LRMDA: variants seen among roughly 807,000 people sequenced by gnomAD.
LRMDA encodes leucine-rich melanocyte differentiation-associated protein.
Under a neutral mutation model 29.8 loss-of-function variants are expected in LRMDA, and 18 were observed. The observed-to-expected ratio is 0.60, with a 90% confidence interval of 0.42 to 0.90. The LOEUF (loss-of-function observed/expected upper bound fraction) is 0.90, where lower values mean the gene tolerates loss of function less well. Among genes scored for constraint, LRMDA ranks in the 40% least tolerant of loss-of-function variants. The pLI is 0.00. For missense variants in LRMDA, 273 were observed against 273.9 expected, an observed-to-expected ratio of 1.00 and a Z score of 0.02; for synonymous variants, 125 against 109.4, an observed-to-expected ratio of 1.14 and a Z score of -0.89.
intron 5 of LRMDA, among the ~76,000 whole-genome samples, chr10:76,220,223 C>A (rs1341289456): frequency 6.6e-6 from 1 of 152,030 alleles, no homozygotes; most frequent in Non-Finnish European, 1.5e-5. Context: ...AAAGCAAGAG[C>A]AAACACATTC....
intron 6 of LRMDA, among the ~76,000 whole-genome samples, chr10:76,434,455 T>C (rs1325256282): frequency 1.3e-5 from 2 of 152,168 alleles, no homozygotes; most frequent in African/African-American, 4.8e-5. Context: ...GCTTCTTTCT[T>C]TCTTATGTAA....
chr10:76,058,884 T>C, intron 5 of LRMDA, 101 bp downstream of exon 5: 2 of 919,590 alleles, frequency 2.2e-6, no homozygotes, highest in South Asian at 1.4e-5. Context: ...TAGAATGCAG[T>C]TGGAATCTCA....
chr10:76,168,929 G>A (rs1016618750), intron 5 of LRMDA, among the ~76,000 whole-genome samples: 2 of 152,116 alleles, frequency 1.3e-5, no homozygotes, highest in Non-Finnish European at 2.9e-5. Context: ...CAGAACAAAA[G>A]CAAAGTGAAG....
At chr10:75,917,783 A>G (rs1176515504) in intron 2 of LRMDA, among the ~76,000 whole-genome samples, 2 of 152,256 alleles carry the variant, frequency 1.3e-5, no homozygotes, top group Non-Finnish European at 2.9e-5. Flanking sequence ...GACTTAGAGC[A>G]CAGTGACCTT....
At chr10:76,453,991 A>C (rs533779301) in intron 6 of LRMDA, among the ~76,000 whole-genome samples, 10 of 152,318 alleles carry the variant, frequency 6.6e-5, no homozygotes, top group African/African-American at 1.7e-4. Context: ...GGAACCTCTT[A>C]AAGTCACATA....
At chr10:75,512,978 GA>G (rs1193060587) in intron 2 of LRMDA, among the ~76,000 whole-genome samples, 1 of 152,048 alleles carries the variant, frequency 6.6e-6, no homozygotes, top group African/African-American at 2.4e-5. Flanking sequence ...GTTGTTATGT[GA>G]AAAAGGGGGT....
intron 2 of LRMDA, among the ~76,000 whole-genome samples, chr10:75,472,961 G>A (rs968863739): frequency 1.3e-5 from 2 of 152,226 alleles, no homozygotes; most frequent in African/African-American, 4.8e-5. Flanking sequence ...GCATGAGAAG[G>A]AGATTGGCAT....
intron 2 of LRMDA, among the ~76,000 whole-genome samples, chr10:75,600,635 G>T (rs566955946): frequency 3.9e-5 from 6 of 152,314 alleles, no homozygotes; most frequent in African/African-American, 1.4e-4. Flanking sequence ...TTTGGGGTTT[G>T]TGGGGCAGGG....
intron 5 of LRMDA, among the ~76,000 whole-genome samples, chr10:76,238,173 A>G (rs182242257): frequency 6.6e-6 from 1 of 152,094 alleles, no homozygotes; most frequent in African/African-American, 2.4e-5. Context: ...AGGCCTAATA[A>G]ATAGTCCCCA....
intron 2 of LRMDA, among the ~76,000 whole-genome samples, chr10:75,493,381 G>GTGTC (rs1264694038): frequency 6.6e-6 from 1 of 150,908 alleles, no homozygotes; most frequent in Non-Finnish European, 1.5e-5. Context: ...GTGTGTGTGT[G>GTGTC]TGTGTGTGAA....
chr10:75,965,057 C>A (rs1054404413), intron 2 of LRMDA, among the ~76,000 whole-genome samples: 6 of 152,208 alleles, frequency 3.9e-5, no homozygotes, highest in African/African-American at 1.4e-4. Flanking sequence ...TGAGCCACTA[C>A]ACCCAGCCTG....
At chr10:75,781,906 C>T (rs1278285466) in intron 2 of LRMDA, among the ~76,000 whole-genome samples, 1 of 152,212 alleles carries the variant, frequency 6.6e-6, no homozygotes, top group Non-Finnish European at 1.5e-5. Context: ...TTTTCTCTCT[C>T]TCTGAAGCCC....
intron 2 of LRMDA, among the ~76,000 whole-genome samples, chr10:75,529,122 G>A (rs1302694444): frequency 6.6e-6 from 1 of 152,168 alleles, no homozygotes; most frequent in Admixed American, 6.5e-5. Context: ...GAACAGAGGG[G>A]CAAAAGGTTC....
intron 6 of LRMDA, among the ~76,000 whole-genome samples, chr10:76,365,107 T>TATATATATATATATACACAC (rs141131236): frequency 0.014 from 840 of 61,044 alleles, 15 homozygotes; most frequent in East Asian, 0.02. Context: ...TATATATATA[T>TATATATATATATATACACAC]ACACACACAC....
chr10:76,031,455 G>T (rs975368608), intron 2 of LRMDA, among the ~76,000 whole-genome samples: 1 of 151,984 alleles, frequency 6.6e-6, no homozygotes, highest in Non-Finnish European at 1.5e-5. Context: ...TTTATTGGCC[G>T]TTTTTTTCTT....
chr10:76,027,953 T>C (rs1338943869), intron 2 of LRMDA, among the ~76,000 whole-genome samples: 1 of 152,218 alleles, frequency 6.6e-6, no homozygotes, highest in Non-Finnish European at 1.5e-5. Flanking sequence ...GCATTTAGGC[T>C]TGTTTGCAAT....
chr10:76,471,091 A>G (rs1282487516), intron 6 of LRMDA, among the ~76,000 whole-genome samples: 2 of 151,850 alleles, frequency 1.3e-5, no homozygotes, highest in Non-Finnish European at 2.9e-5. Flanking sequence ...GTGTAAGGAA[A>G]TGGCGCCAGA....
At chr10:76,144,297 C>G (rs1019486215) in intron 5 of LRMDA, among the ~76,000 whole-genome samples, 1 of 152,148 alleles carries the variant, frequency 6.6e-6, no homozygotes, top group African/African-American at 2.4e-5. Flanking sequence ...TGGCCATTTT[C>G]ATGATATTGA....
chr10:75,527,396 T>C (rs1290322481), intron 2 of LRMDA, among the ~76,000 whole-genome samples: 1 of 152,160 alleles, frequency 6.6e-6, no homozygotes, highest in Non-Finnish European at 1.5e-5. Flanking sequence ...ATTTTTTGGA[T>C]GTATGCCTAG....
Sources: gnomAD v4.1 joint callset for allele counts (sites outside exome capture counted in the v4.1 genomes callset) on GRCh38, gnomAD v4.1.1 for gene constraint, MANE v1.5 for transcripts, NCBI Gene and HGNC (gene_info 2026-07-23, HGNC 2026-07-21) for gene names.